Variants in RAI14 observed in about 807,000 individuals in gnomAD.
RAI14 encodes ankycorbin.
Under a neutral mutation model 115.4 loss-of-function variants are expected in RAI14, and 45 were observed. That is an observed-to-expected ratio of 0.39 (90% confidence interval 0.31 to 0.50). The LOEUF (loss-of-function observed/expected upper bound fraction) is 0.50. RAI14 is among the 20% of genes least tolerant of loss of function. The probability of loss-of-function intolerance (pLI) is 0.85; values close to 1 mark genes in which losing one functional copy is unlikely to be tolerated. For missense variants in RAI14, 939 were observed against 1,131.2 expected (o/e 0.83, Z 2.44); for synonymous variants, 371 against 415.4 (o/e 0.89, Z 1.30).
intron 2 of RAI14, among the ~76,000 whole-genome samples, chr5:34,754,094 A>AC (rs1488489405): frequency 6.6e-6 from 1 of 151,518 alleles, no homozygotes; most frequent in East Asian, 2.0e-4. Flanking sequence ...AGAAAGAAAA[A>AC]AAAAAGAGTA....
At chr5:34,755,744 CAGATAA>C (rs1449557000) in intron 2 of RAI14, among the ~76,000 whole-genome samples, 2 of 152,132 alleles carry the variant, frequency 1.3e-5, no homozygotes, top group African/African-American at 4.8e-5. Context: ...TTTGAAAGCC[CAGATAA>C]AGAACATTTC....
At chr5:34,746,696 C>G (rs1008345247) in intron 2 of RAI14, among the ~76,000 whole-genome samples, 3 of 152,150 alleles carry the variant, frequency 2.0e-5, no homozygotes, top group Non-Finnish European at 2.9e-5. Flanking sequence ...ATCTCTGTCT[C>G]CACTGACTCC....
chr5:34,792,861 G>A (rs1241430547), intron 3 of RAI14, among the ~76,000 whole-genome samples: 1 of 152,162 alleles, frequency 6.6e-6, no homozygotes, highest in East Asian at 1.9e-4. Flanking sequence ...AATACATGAA[G>A]AGAAAATAAT....
At position 34,823,643 on chromosome 5, in the gene RAI14, T is replaced by C. The variant is rs1757143234; in HGVS notation, c.1801T>C (p.Tyr601His). Residue 601 changes from tyrosine (Y) to histidine (H), a missense_variant, in exon 15 of 18, where the codon TAC (tyrosine) becomes CAC (histidine). By Grantham distance (83) the Tyr-to-His change is moderately conservative. Coordinates refer to ENST00000265109, the MANE Select transcript of RAI14 (RefSeq NM_015577.3). This position sits in a 1 kb window ranked among gnomAD's most constrained non-coding sequence, Gnocchi z 4.5. The stretch of plus-strand genomic sequence containing the variant: ...GGAGAAAGCATTTTTGTTTGAGAAA[T>C]ACCAAGAAGCCCAAGAAGAAATCAT... ...NKEKAFLFEKYQEAQEEIMKL... is the reference protein window; with the variant it reads ...NKEKAFLFEKHQEAQEEIMKL... The C allele has an allele frequency of 6.2e-7, 1 of 1,613,470 alleles. No individual in the cohort carries two copies. Among genetic ancestry groups the C allele is most frequent in the African/African-American group, 1.3e-5 (1 of 74,776 alleles).
intron 2 of RAI14, among the ~76,000 whole-genome samples, chr5:34,727,630 G>A (rs1299036027): frequency 6.6e-6 from 1 of 152,188 alleles, no homozygotes; most frequent in Non-Finnish European, 1.5e-5. Context: ...TGCTCCAGCC[G>A]TGGCTCAAAG....
At chr5:34,702,304 A>G (rs189484598) in intron 2 of RAI14, among the ~76,000 whole-genome samples, 24 of 152,334 alleles carry the variant, frequency 1.6e-4, no homozygotes, top group African/African-American at 5.5e-4. Context: ...CAACACAGTG[A>G]AACCCCGTCT....
chr5:34,675,307 T>C (rs1056104404), intron 1 of RAI14, among the ~76,000 whole-genome samples: 1 of 152,256 alleles, frequency 6.6e-6, no homozygotes, highest in Non-Finnish European at 1.5e-5. Context: ...AATTTTACTG[T>C]CATCACCACC....
Position 34,831,804 on chromosome 5 carries a change from C to CA in RAI14, c.*1041dup, listed in dbSNP as rs1187490949. 5 of 152,126 alleles carry CA rather than the reference C, an allele frequency of 3.3e-5. No individual in the cohort carries two copies. Among genetic ancestry groups the CA allele is most frequent in the Admixed American group, 3.3e-4 (5 of 15,278 alleles). The allele number at this position is 152,126 out of a possible 1,614,324, so 9.4% of individuals were successfully genotyped here. On this transcript the variant is annotated 3_prime_UTR_variant, in exon 18 of 18. Coordinates refer to ENST00000265109, the MANE Select transcript of RAI14 (RefSeq NM_015577.3). ...TGCCAGACCTAATATGAGCTGCCAC[C>CA]AACACCCCTAGAACTTTCAGCCATG... is the stretch of plus-strand genomic sequence containing the variant.
chr5:34,679,781 T>G (rs571504463), intron 1 of RAI14, among the ~76,000 whole-genome samples: 1 of 152,018 alleles, frequency 6.6e-6, no homozygotes, highest in East Asian at 1.9e-4. Context: ...ATGAGCTGGG[T>G]TTTTAAAAAC....
chr5:34,782,029 A>G (rs1210809494), intron 3 of RAI14, among the ~76,000 whole-genome samples: 2 of 152,240 alleles, frequency 1.3e-5, no homozygotes, highest in African/African-American at 4.8e-5. Context: ...TATGTGCAGC[A>G]GGAATATGTC....
At chr5:34,679,217 G>A (rs1744214100) in intron 1 of RAI14, among the ~76,000 whole-genome samples, 1 of 152,216 alleles carries the variant, frequency 6.6e-6, no homozygotes, top group Non-Finnish European at 1.5e-5. Flanking sequence ...CTGGATGTGA[G>A]TAAGAGCCCT....
chr5:34,742,371 T>G (rs1291007613), intron 2 of RAI14, among the ~76,000 whole-genome samples: 1 of 152,228 alleles, frequency 6.6e-6, no homozygotes, highest in Non-Finnish European at 1.5e-5. Context: ...GTGTGTCATC[T>G]TCATTGTTGG....
At chr5:34,779,676 C>A (rs1185673016) in intron 3 of RAI14, among the ~76,000 whole-genome samples, 1 of 152,116 alleles carries the variant, frequency 6.6e-6, no homozygotes, top group East Asian at 1.9e-4. Flanking sequence ...TGTGAAGGAC[C>A]TCTTCAAGGA....
At chr5:34,680,018 A>G (rs1744273349) in intron 1 of RAI14, among the ~76,000 whole-genome samples, 1 of 152,190 alleles carries the variant, frequency 6.6e-6, no homozygotes, top group African/African-American at 2.4e-5. Context: ...TTATATGCCA[A>G]TGGCCAGGGC....
At position 34,658,059 on chromosome 5, in the gene RAI14, T is replaced by C. The variant is rs185326572; in HGVS notation, c.-49+1584T>C. On this transcript the variant is annotated intron_variant, in intron 1 of 17. Coordinates refer to ENST00000265109, the MANE Select transcript of RAI14 (RefSeq NM_015577.3). The stretch of plus-strand genomic sequence containing the variant: ...CTTGTCTAACAGAGATTGGGAGAGC[T>C]ATCCCGTGCTGGGCTGTTGCACAGT... 6.6e-5 allele frequency among the ~76,000 whole-genome samples: 10 copies of C among 152,350 alleles called. No individual in the cohort carries two copies. The East Asian group carries it at 1.7e-3, about 26-fold the overall frequency.
intron 3 of RAI14, among the ~76,000 whole-genome samples, chr5:34,790,178 G>C (rs1462566322): frequency 6.6e-6 from 1 of 152,224 alleles, no homozygotes; most frequent in Admixed American, 6.5e-5. Flanking sequence ...GGCATAGGGT[G>C]GGGGAATGAG....
At chr5:34,732,392 A>C (rs2150025429) in intron 2 of RAI14, among the ~76,000 whole-genome samples, 1 of 151,928 alleles carries the variant, frequency 6.6e-6, no homozygotes, top group Middle Eastern at 3.4e-3. Flanking sequence ...TAACTTATAC[A>C]GGTACTAGCT....
At chr5:34,737,393 T>C (rs1207304397) in intron 2 of RAI14, among the ~76,000 whole-genome samples, 1 of 152,178 alleles carries the variant, frequency 6.6e-6, no homozygotes, top group Non-Finnish European at 1.5e-5. Flanking sequence ...TTAAAAATAC[T>C]GTGGGTAATT....
At chr5:34,680,712 G>T (rs186584050) in intron 1 of RAI14, among the ~76,000 whole-genome samples, 6 of 152,140 alleles carry the variant, frequency 3.9e-5, no homozygotes, top group Admixed American at 3.3e-4. Flanking sequence ...TCCAAATCCC[G>T]TGTTTCCTTT....
Sources: gnomAD v4.1 joint callset for allele counts (sites outside exome capture counted in the v4.1 genomes callset) on GRCh38, gnomAD v4.1.1 for gene constraint, Gnocchi (gnomAD v3.1) non-coding constraint, MANE v1.5 for transcripts, NCBI Gene and HGNC (gene_info 2026-07-23, HGNC 2026-07-21) for gene names.